The following PDE11A variants were observed in gnomAD, a reference collection of about 807,000 sequenced individuals.
The protein encoded by PDE11A is phosphodiesterase 11A.
Under a neutral mutation model 100.5 loss-of-function variants are expected in PDE11A, and 100 were observed. The ratio of observed to expected loss-of-function variants is 1.00; its 90% CI spans 0.85 to 1.18. The LOEUF (loss-of-function observed/expected upper bound fraction) is 1.18, where lower values mean the gene tolerates loss of function less well. Among genes scored for constraint, PDE11A ranks in the 50% most tolerant of loss-of-function variants. The probability of loss-of-function intolerance (pLI) is 0.00; values close to 1 mark genes in which losing one functional copy is unlikely to be tolerated. For synonymous variants in PDE11A, 381 were observed against 420.8 expected (o/e 0.91, Z 1.16); for missense variants, 1,141 against 1,152.6 (o/e 0.99, Z 0.15).
At chr2:177,757,021 A>C (rs1476711613) in intron 10 of PDE11A, among the ~76,000 whole-genome samples, 2 of 152,222 alleles carry the variant, frequency 1.3e-5, no homozygotes, top group Non-Finnish European at 2.9e-5. Context: ...ATGACATTTC[A>C]AAAAGGATCT....
intron 10 of PDE11A, among the ~76,000 whole-genome samples, chr2:177,738,813 A>T (rs192772385): frequency 6.6e-6 from 1 of 152,308 alleles, no homozygotes; most frequent in East Asian, 1.9e-4. Context: ...AGGCAGAAAA[A>T]GAAGGAAGAT....
chr2:177,983,212 G>T lies in PDE11A; in HGVS notation c.1071+31090C>A, dbSNP rs964928552. ...TATTTCTAATTTGTCCTCAATAATA[G>T]TCATTTCTCACTTTGTAATTTGTCT... is the stretch of plus-strand genomic sequence containing the variant. On this transcript the variant is annotated intron_variant, in intron 2 of 19. Transcript: ENST00000286063. Among the ~76,000 whole-genome samples the T allele has an allele frequency of 2.6e-5, 4 of 151,336 alleles. No homozygotes were observed. The East Asian group carries it at 7.7e-4, about 29-fold the overall frequency.
At chr2:177,664,012 T>C in intron 18 of PDE11A, 63 bp from the exon 19 acceptor site, 4 of 973,510 alleles carry the variant, frequency 4.1e-6, no homozygotes, top group South Asian at 1.3e-5. Flanking sequence ...GGGTGCTTTG[T>C]CAAACACTTT....
chr2:177,746,559 A>G (rs189342819), intron 10 of PDE11A, among the ~76,000 whole-genome samples: 1 of 152,348 alleles, frequency 6.6e-6, no homozygotes, highest in Admixed American at 6.5e-5. Context: ...CAAGCTGCCA[A>G]ACGGAAACAA....
At chr2:178,005,260 C>T (rs1340014324) in intron 2 of PDE11A, among the ~76,000 whole-genome samples, 2 of 152,128 alleles carry the variant, frequency 1.3e-5, no homozygotes, top group Non-Finnish European at 2.9e-5. Flanking sequence ...AAATACCCTA[C>T]TTTACTGCTA....
intron 4 of PDE11A, among the ~76,000 whole-genome samples, chr2:177,896,985 A>T (rs2084622083): frequency 6.6e-6 from 1 of 152,164 alleles, no homozygotes; most frequent in Admixed American, 6.5e-5. Context: ...CATTTTAGAC[A>T]TATACAGATT....
intron 10 of PDE11A, among the ~76,000 whole-genome samples, chr2:177,729,459 CT>C (rs1276090398): frequency 6.6e-6 from 1 of 152,178 alleles, no homozygotes; most frequent in Non-Finnish European, 1.5e-5. Flanking sequence ...TAGCCCACAT[CT>C]TTCTCTTTCT....
At chr2:177,752,925 A>G (rs1186748102) in intron 10 of PDE11A, among the ~76,000 whole-genome samples, 2 of 152,252 alleles carry the variant, frequency 1.3e-5, no homozygotes, top group Non-Finnish European at 2.9e-5. Context: ...GTTGATTATC[A>G]TAACTGTTAG....
chr2:177,751,009 A>C (rs2082018430), intron 10 of PDE11A, among the ~76,000 whole-genome samples: 2 of 152,138 alleles, frequency 1.3e-5, no homozygotes, highest in African/African-American at 4.8e-5. Context: ...TATTATTTTC[A>C]AAGGCTCCCT....
At chr2:177,935,908 G>A (rs1392831724) in intron 2 of PDE11A, among the ~76,000 whole-genome samples, 2 of 152,292 alleles carry the variant, frequency 1.3e-5, no homozygotes, top group South Asian at 2.1e-4. Context: ...ATTCAACACA[G>A]CAACCTGATC....
chr2:177,889,258 T>A (rs924305548), intron 4 of PDE11A, among the ~76,000 whole-genome samples: 2 of 152,192 alleles, frequency 1.3e-5, no homozygotes, highest in African/African-American at 4.8e-5. Flanking sequence ...AGACTGCAAC[T>A]AGGTAGTCTA....
intron 16 of PDE11A, 81 bp downstream of exon 16, chr2:177,680,745 T>G (rs2080849830): frequency 1.3e-6 from 1 of 750,510 alleles, no homozygotes; most frequent in Non-Finnish European, 2.4e-6. Flanking sequence ...ATCACTTCTA[T>G]GCTCTTAGTA....
chr2:178,079,257 C>A (rs1245521210), intron 2 of PDE11A, among the ~76,000 whole-genome samples: 1 of 152,178 alleles, frequency 6.6e-6, no homozygotes. Flanking sequence ...TTAAGCCCAG[C>A]ATGCATTAGC....
chr2:178,105,088 G>A (rs1220619587), intron 1 of PDE11A, among the ~76,000 whole-genome samples: 1 of 152,138 alleles, frequency 6.6e-6, no homozygotes, highest in African/African-American at 2.4e-5. Context: ...AAAGCAATCA[G>A]AAATAACATT....
intron 2 of PDE11A, among the ~76,000 whole-genome samples, chr2:178,000,717 C>G (rs1263675438): frequency 3.3e-5 from 5 of 152,056 alleles, no homozygotes; most frequent in Admixed American, 6.6e-5. Flanking sequence ...TAAACTTTTT[C>G]TTACAGACAC....
chr2:178,011,222 TGAG>T (rs2086270457), intron 2 of PDE11A, among the ~76,000 whole-genome samples: 1 of 152,268 alleles, frequency 6.6e-6, no homozygotes, highest in African/African-American at 2.4e-5. Flanking sequence ...TCAGTGGCTC[TGAG>T]TTGTAAGTAT....
intron 4 of PDE11A, among the ~76,000 whole-genome samples, chr2:177,880,246 T>C (rs994752028): frequency 2.5e-4 from 38 of 152,178 alleles, no homozygotes; most frequent in African/African-American, 8.4e-4. Context: ...GAATGGGGGC[T>C]TCAAGCCACA....
At chr2:178,066,451 C>A (rs2087045261) in intron 1 of PDE11A, among the ~76,000 whole-genome samples, 1 of 152,130 alleles carries the variant, frequency 6.6e-6, no homozygotes, top group African/African-American at 2.4e-5. Context: ...GGAGTATGAG[C>A]CCCAGAGTCC....
intron 19 of PDE11A, among the ~76,000 whole-genome samples, chr2:177,629,990 A>G (rs1274736151): frequency 6.6e-6 from 1 of 152,260 alleles, no homozygotes; most frequent in Non-Finnish European, 1.5e-5. Flanking sequence ...TTGCTTTACC[A>G]TAGATGACTC....
Sources: gnomAD v4.1 joint callset for allele counts (sites outside exome capture counted in the v4.1 genomes callset) on GRCh38, gnomAD v4.1.1 for gene constraint, MANE v1.5 for transcripts, NCBI Gene and HGNC (gene_info 2026-07-23, HGNC 2026-07-21) for gene names.